RAP1GAP2: variants seen among roughly 807,000 people sequenced by gnomAD.
The protein encoded by RAP1GAP2 is RAP1 GTPase activating protein 2.
RAP1GAP2 carries 27 observed loss-of-function variants against 95.0 expected under a neutral mutation model. The observed-to-expected ratio is 0.28, with a 90% CI of 0.21 to 0.39. The LOEUF (loss-of-function observed/expected upper bound fraction) is 0.39, where lower values mean the gene tolerates loss of function less well. Ranked by LOEUF, RAP1GAP2 falls within the 10% of genes least tolerant of loss-of-function variation. The pLI is 1.00. For missense variants in RAP1GAP2, 771 were observed against 970.0 expected (o/e 0.79, Z 2.72); for synonymous variants, 373 against 380.9 (o/e 0.98, Z 0.24).
rs917197214 is a variant in RAP1GAP2 at position 2,904,763 on chromosome 17, A to G, written c.81-521A>G. On this transcript the variant is annotated intron_variant, in intron 2 of 24. Coordinates refer to ENST00000254695, the MANE Select transcript of RAP1GAP2 (RefSeq NM_015085.5). This position sits in a 1 kb window ranked among gnomAD's most constrained non-coding sequence, Gnocchi z 4.7. ...GCCTGGTGTGCACCTGCAAATGTGCATGTCTTTCGAGTTCCCAGGTGCCGC... is the reference window on the plus strand; with the variant it reads ...GCCTGGTGTGCACCTGCAAATGTGCGTGTCTTTCGAGTTCCCAGGTGCCGC... Among the ~76,000 whole-genome samples the G allele has an allele frequency of 2.4e-4, 36 of 152,246 alleles. No individual in the cohort carries two copies. Among genetic ancestry groups the G allele is most frequent in the South Asian group, 1.2e-3 (6 of 4,826 alleles).
intron 1 of RAP1GAP2, among the ~76,000 whole-genome samples, chr17:2,764,110 TAA>T (rs568735344): frequency 6.8e-6 from 1 of 147,996 alleles, no homozygotes; most frequent in Non-Finnish European, 1.5e-5. Flanking sequence ...TATCTTAAAT[TAA>T]AAAAAAAAGG....
chr17:2,994,971 A>G (rs2045903180), intron 12 of RAP1GAP2, among the ~76,000 whole-genome samples: 1 of 152,106 alleles, frequency 6.6e-6, no homozygotes, highest in Non-Finnish European at 1.5e-5. Flanking sequence ...GCACCACCAT[A>G]TCTGGCTAAC....
Position 2,822,617 on chromosome 17 carries a change from G to GTTTTT in RAP1GAP2, c.80+22072_80+22076dup, listed in dbSNP as rs1212676493. 5.1e-5 allele frequency among the ~76,000 whole-genome samples: 6 copies of GTTTTT among 117,742 alleles called. 1 individual carries two copies. Among genetic ancestry groups the GTTTTT allele is most frequent in the Non-Finnish European group, 6.8e-5 (4 of 58,802 alleles). The allele number at this position is 117,742 out of a possible 152,430, so 77.2% of individuals were successfully genotyped here. On this transcript the variant is annotated intron_variant, in intron 2 of 24. Coordinates refer to ENST00000254695, the MANE Select transcript of RAP1GAP2 (RefSeq NM_015085.5). ...TCCGCCTGGAGGACAATAAAACCCT[G>GTTTTT]TTTTTTTTTGTTTTTTTTTTTTTTT...
Position 2,849,744 on chromosome 17 carries a change from C to T in RAP1GAP2, c.80+49194C>T, listed in dbSNP as rs547916257. On this transcript the variant is annotated intron_variant, in intron 2 of 24. Transcript: ENST00000254695. ...ATGGAGGTCCTGAGAGCTGGGACGC[C>T]GTGGGGCATAAGTTGGGTGAGGTGA... 3.9e-5 allele frequency among the ~76,000 whole-genome samples: 6 copies of T among 152,272 alleles called. No homozygotes were observed. The East Asian group carries it at 5.8e-4, about 15-fold the overall frequency.
intron 3 of RAP1GAP2, among the ~76,000 whole-genome samples, chr17:2,929,233 A>C (rs2043062677): frequency 1.3e-5 from 2 of 152,140 alleles, no homozygotes; most frequent in Admixed American, 1.3e-4. Flanking sequence ...ACTCCATCTC[A>C]AGAAAAAAAT....
At position 3,026,412 on chromosome 17, in the gene RAP1GAP2, G is replaced by A; in HGVS notation, c.1928G>A (p.Ser643Asn). The A allele has an allele frequency of 1.7e-5, 27 of 1,552,766 alleles. No homozygotes were observed. The highest frequency in any genetic ancestry group is 2.2e-5 in the Non-Finnish European group (25 of 1,147,738). ...AISRSSSSTS[S>N]VSSTAGEGEA... The stretch of plus-strand genomic sequence containing the variant: ...TCCCGCTCCTCCTCCAGCACCAGCA[G>A]CGTCAGCAGCACTGCAGGGGAGGGC... Residue 643 changes from serine (S) to asparagine (N), a missense_variant, in exon 21 of 25, where the codon AGC (serine) becomes AAC (asparagine). Transcript: ENST00000254695.
At chr17:3,014,924 C>T (rs2046706356) in intron 17 of RAP1GAP2, among the ~76,000 whole-genome samples, 1 of 152,172 alleles carries the variant, frequency 6.6e-6, no homozygotes, top group Non-Finnish European at 1.5e-5. Flanking sequence ...CTTGGTGGCT[C>T]ACTTTGGGAG....
At chr17:2,804,907 T>C (rs753829643) in intron 2 of RAP1GAP2, among the ~76,000 whole-genome samples, 16 of 152,224 alleles carry the variant, frequency 1.1e-4, no homozygotes, top group Non-Finnish European at 1.6e-4. Context: ...TCCAGCCTTC[T>C]CTCTTCCAGC....
chr17:3,025,424 ACAGGGAGCAC>A (rs2047077565), intron 19 of RAP1GAP2, among the ~76,000 whole-genome samples: 1 of 152,340 alleles, frequency 6.6e-6, no homozygotes, highest in Non-Finnish European at 1.5e-5. Context: ...AACAGCCAGC[ACAGGGAGCAC>A]TGTGGGCACT....
chr17:2,786,244 T>C (rs1019586968), intron 1 of RAP1GAP2, among the ~76,000 whole-genome samples: 1 of 152,156 alleles, frequency 6.6e-6, no homozygotes, highest in African/African-American at 2.4e-5. Context: ...CAGAGGGAGT[T>C]TAAGTGGTTT....
chr17:2,838,795 C>T (rs2071253857), intron 2 of RAP1GAP2, among the ~76,000 whole-genome samples: 1 of 152,130 alleles, frequency 6.6e-6, no homozygotes, highest in South Asian at 2.1e-4. Context: ...TCTTTCTGTG[C>T]AGCTCATCAC....
At chr17:2,856,839 C>T (rs531320624) in intron 2 of RAP1GAP2, among the ~76,000 whole-genome samples, 10 of 152,358 alleles carry the variant, frequency 6.6e-5, no homozygotes, top group African/African-American at 2.4e-4. Flanking sequence ...TCCAACCATC[C>T]TGGTGGCTTT....
chr17:2,897,746 G>A (rs2041885917), intron 2 of RAP1GAP2, among the ~76,000 whole-genome samples: 1 of 152,048 alleles, frequency 6.6e-6, no homozygotes. Context: ...GAGAAGAGAG[G>A]CTCACTGTGG....
intron 1 of RAP1GAP2, among the ~76,000 whole-genome samples, chr17:2,788,403 C>T (rs1294935642): frequency 6.6e-6 from 1 of 152,192 alleles, no homozygotes; most frequent in Non-Finnish European, 1.5e-5. Flanking sequence ...TCAAGCAGTT[C>T]TCCTGCCTCA....
chr17:2,909,122 G>A (rs1021453335), intron 3 of RAP1GAP2, among the ~76,000 whole-genome samples: 6 of 152,164 alleles, frequency 3.9e-5, no homozygotes, highest in Non-Finnish European at 5.9e-5. Context: ...GCTTTGGGAT[G>A]AGTGAGCTCT....
intron 11 of RAP1GAP2, among the ~76,000 whole-genome samples, chr17:2,989,721 G>T (rs768047047): frequency 9.9e-5 from 15 of 151,716 alleles, no homozygotes; most frequent in Non-Finnish European, 1.9e-4. Flanking sequence ...GCTTTATTGA[G>T]CACATCAGCA....
intron 1 of RAP1GAP2, among the ~76,000 whole-genome samples, chr17:2,787,768 C>T (rs1361110730): frequency 6.6e-6 from 1 of 152,032 alleles, no homozygotes; most frequent in East Asian, 1.9e-4. Flanking sequence ...GGGGTTTCAC[C>T]ATGTTGGCCA....
intron 2 of RAP1GAP2, among the ~76,000 whole-genome samples, chr17:2,863,372 C>G (rs1220890325): frequency 6.6e-6 from 1 of 152,198 alleles, no homozygotes; most frequent in Non-Finnish European, 1.5e-5. Flanking sequence ...GGCTGGAGCT[C>G]CAGCCAAGTC....
chr17:2,789,846 G>C (rs954738006), intron 1 of RAP1GAP2, among the ~76,000 whole-genome samples: 4 of 150,792 alleles, frequency 2.7e-5, no homozygotes, highest in African/African-American at 9.8e-5. Flanking sequence ...TCTGGGCCCT[G>C]CTCTTGGAAC....
Sources: gnomAD v4.1 joint callset for allele counts (sites outside exome capture counted in the v4.1 genomes callset) on GRCh38, gnomAD v4.1.1 for gene constraint, Gnocchi (gnomAD v3.1) non-coding constraint, MANE v1.5 for transcripts, NCBI Gene and HGNC (gene_info 2026-07-23, HGNC 2026-07-21) for gene names.